Variants in FAM110B observed in about 807,000 individuals in gnomAD.
FAM110B encodes the protein family with sequence similarity 110 member B.
FAM110B carries 6 observed loss-of-function variants against 20.4 expected under a neutral mutation model. That is an observed-to-expected ratio of 0.29 (90% CI 0.16 to 0.58). The LOEUF (loss-of-function observed/expected upper bound fraction) is 0.58. Ranked by LOEUF, FAM110B falls within the 20% of genes least tolerant of loss-of-function variation. The probability of loss-of-function intolerance (pLI) is 0.90; values close to 1 mark genes in which losing one functional copy is unlikely to be tolerated. For missense variants in FAM110B, 434 were observed against 498.2 expected, an observed-to-expected ratio of 0.87 and a Z score of 1.23; for synonymous variants, 226 against 214.1, an observed-to-expected ratio of 1.06 and a Z score of -0.49.
chr8:58,135,065 G>A (rs1340500416), intron 3 of FAM110B, among the ~76,000 whole-genome samples: 1 of 152,170 alleles, frequency 6.6e-6, no homozygotes, highest in East Asian at 1.9e-4. Flanking sequence ...TTTAACAGCT[G>A]AAACAACACT....
chr8:58,086,009 C>T (rs550604555), intron 3 of FAM110B, among the ~76,000 whole-genome samples: 2 of 152,212 alleles, frequency 1.3e-5, no homozygotes, highest in Non-Finnish European at 2.9e-5. Flanking sequence ...AAACTCCTTA[C>T]GACCTCAACT....
intron 1 of FAM110B, among the ~76,000 whole-genome samples, chr8:58,011,207 C>T (rs1208467834): frequency 6.6e-6 from 1 of 152,164 alleles, no homozygotes; most frequent in South Asian, 2.1e-4. Context: ...AAAGAAACAA[C>T]GTTGCCTGTG....
At chr8:58,028,707 G>A (rs928344587) in intron 1 of FAM110B, among the ~76,000 whole-genome samples, 2 of 152,182 alleles carry the variant, frequency 1.3e-5, no homozygotes, top group African/African-American at 4.8e-5. Flanking sequence ...CTTATTGGAT[G>A]TTTTGTTTCC....
chr8:58,111,516 G>A (rs1807056811), intron 3 of FAM110B, among the ~76,000 whole-genome samples: 1 of 152,114 alleles, frequency 6.6e-6, no homozygotes, highest in Non-Finnish European at 1.5e-5. Flanking sequence ...AACACTGGAA[G>A]TCTAAAACAT....
At chr8:58,120,241 C>T (rs1301325542) in intron 3 of FAM110B, among the ~76,000 whole-genome samples, 1 of 152,102 alleles carries the variant, frequency 6.6e-6, no homozygotes, top group African/African-American at 2.4e-5. Context: ...TTTAGGAATC[C>T]CTCTTTATGT....
chr8:58,015,989 A>T (rs1338587790), intron 1 of FAM110B, among the ~76,000 whole-genome samples: 1 of 152,200 alleles, frequency 6.6e-6, no homozygotes, highest in African/African-American at 2.4e-5. Flanking sequence ...TGTATCATTC[A>T]ACTCATTCTA....
intron 3 of FAM110B, among the ~76,000 whole-genome samples, chr8:58,110,342 T>G (rs970894360): frequency 6.6e-6 from 1 of 152,102 alleles, no homozygotes; most frequent in Non-Finnish European, 1.5e-5. Flanking sequence ...GGAAAAGAAT[T>G]TACTTAGGAT....
chr8:58,032,543 T>A (rs1023107434), intron 2 of FAM110B: 4 of 152,210 alleles, frequency 2.6e-5, no homozygotes, highest in African/African-American at 9.6e-5. Context: ...CTTAACCCTA[T>A]GAGTGAAAGT....
chr8:58,052,359 T>C (rs1563352001), intron 2 of FAM110B, among the ~76,000 whole-genome samples: 1 of 152,146 alleles, frequency 6.6e-6, no homozygotes, highest in African/African-American at 2.4e-5. Flanking sequence ...TAGAAAGCAG[T>C]ATAGAGATGT....
At chr8:58,054,135 G>T (rs937441773) in intron 2 of FAM110B, among the ~76,000 whole-genome samples, 1 of 152,116 alleles carries the variant, frequency 6.6e-6, no homozygotes, top group African/African-American at 2.4e-5. Flanking sequence ...GTAGATGACA[G>T]TCTACACATC....
intron 1 of FAM110B, among the ~76,000 whole-genome samples, chr8:58,018,351 CT>C (rs1365509917): frequency 1.3e-5 from 2 of 152,042 alleles, no homozygotes; most frequent in African/African-American, 4.8e-5. Context: ...ATGCCTTTTC[CT>C]TGTCTTTGGA....
chr8:58,040,592 G>A (rs1315056189), intron 2 of FAM110B, among the ~76,000 whole-genome samples: 1 of 152,120 alleles, frequency 6.6e-6, no homozygotes, highest in Non-Finnish European at 1.5e-5. Context: ...CAAAACGGAT[G>A]CATTCACATC....
chr8:58,094,054 A>C (rs1374121570), intron 3 of FAM110B, among the ~76,000 whole-genome samples: 1 of 151,934 alleles, frequency 6.6e-6, no homozygotes, highest in Non-Finnish European at 1.5e-5. Context: ...CTGTTTGTCT[A>C]TTATTGGTGT....
intron 3 of FAM110B, among the ~76,000 whole-genome samples, chr8:58,081,144 G>A (rs544069545): frequency 3.3e-5 from 5 of 152,174 alleles, no homozygotes; most frequent in Non-Finnish European, 5.9e-5. Context: ...TTAGCCCTGT[G>A]CTGGTCACCT....
rs114416507 is a variant in FAM110B at position 58,117,047 on chromosome 8, G to A, written c.-324-28860G>A. Among the ~76,000 whole-genome samples, 138 of 152,294 alleles carry A rather than the reference G, an allele frequency of 9.1e-4. 1 individual carries two copies. Among genetic ancestry groups the A allele is most frequent in the African/African-American group, 3.3e-3 (137 of 41,556 alleles). Reference sequence around the variant, plus strand: ...TATCTCAGGATCTGACAGGATGGCTGAAAGCAAAGAGCCTCTATTGTGGCA... The same window carrying A: ...TATCTCAGGATCTGACAGGATGGCTAAAAGCAAAGAGCCTCTATTGTGGCA... On this transcript the variant is annotated intron_variant, in intron 3 of 3. Coordinates refer to ENST00000519262, the MANE Select transcript of FAM110B (RefSeq NM_001377989.1).
At chr8:58,065,577 AATT>A (rs1406600793) in intron 2 of FAM110B, among the ~76,000 whole-genome samples, 1 of 152,140 alleles carries the variant, frequency 6.6e-6, no homozygotes, top group Non-Finnish European at 1.5e-5. Flanking sequence ...TATAATACCT[AATT>A]ATTATTAGGT....
chr8:58,094,803 G>T (rs1806577859), intron 3 of FAM110B, among the ~76,000 whole-genome samples: 1 of 152,040 alleles, frequency 6.6e-6, no homozygotes. Flanking sequence ...TCTTTTGTTT[G>T]GAATAGTTTC....
chr8:58,112,504 A>T (rs1039879673), intron 3 of FAM110B, among the ~76,000 whole-genome samples: 1 of 152,246 alleles, frequency 6.6e-6, no homozygotes, highest in Middle Eastern at 3.2e-3. Context: ...TGTTTGTAAC[A>T]TTAGTAACAA....
chr8:58,021,170 C>A (rs996868340), intron 1 of FAM110B, among the ~76,000 whole-genome samples: 1 of 152,162 alleles, frequency 6.6e-6, no homozygotes, highest in East Asian at 1.9e-4. Context: ...CCCCCGGATG[C>A]TGATTGGGTT....
Sources: allele counts gnomAD v4.1 joint callset (sites outside exome capture counted in the v4.1 genomes callset), GRCh38; gene constraint gnomAD v4.1.1; transcripts MANE v1.5; gene names NCBI Gene and HGNC (gene_info 2026-07-23, HGNC 2026-07-21).